Variants in BTG3 observed in about 807,000 individuals in gnomAD.
BTG3 encodes the protein BTG anti-proliferation factor 3, also known as protein BTG3.
In BTG3, 4 loss-of-function variants were observed where a neutral mutation model predicts 25.8. That is an observed-to-expected ratio of 0.16 (90% CI 0.08 to 0.36). BTG3 has a LOEUF of 0.36. Among genes scored for constraint, BTG3 ranks in the 10% least tolerant of loss-of-function variants. The pLI is 1.00. For missense variants in BTG3, 201 were observed against 304.9 expected (o/e 0.66, Z 2.54); for synonymous variants, 107 against 99.9 (o/e 1.07, Z -0.42).
intron 3 of BTG3, among the ~76,000 whole-genome samples, chr21:17,599,554 T>C (rs921219755): frequency 6.8e-6 from 1 of 148,024 alleles, no homozygotes; most frequent in Non-Finnish European, 1.5e-5. Context: ...CTCGGCCCAC[T>C]ACAATCTCCA....
At chr21:17,606,322 G>A (rs1357647249) in intron 2 of BTG3, among the ~76,000 whole-genome samples, 1 of 152,070 alleles carries the variant, frequency 6.6e-6, no homozygotes, top group South Asian at 2.1e-4. Flanking sequence ...ACTCCAAAGA[G>A]CAAGTTATTT....
chr21:17,610,221 T>G (rs1245257769), intron 1 of BTG3, among the ~76,000 whole-genome samples: 1 of 152,160 alleles, frequency 6.6e-6, no homozygotes, highest in African/African-American at 2.4e-5. Context: ...CTTTTTGAGG[T>G]GATAAAAATA....
chr21:17,596,265 A>T (rs2061502929), intron 4 of BTG3, among the ~76,000 whole-genome samples: 1 of 152,038 alleles, frequency 6.6e-6, no homozygotes. Flanking sequence ...GGTTTCTTTG[A>T]TGAACAAAAA....
At chr21:17,611,956 G>A (rs2123490778) in intron 1 of BTG3, 1 of 152,362 alleles carries the variant, frequency 6.6e-6, no homozygotes, top group East Asian at 1.9e-4. Flanking sequence ...GTGGGGTGAG[G>A]AGCCCCGGCC....
At chr21:17,603,630 G>A (rs756022815) in intron 3 of BTG3, among the ~76,000 whole-genome samples, 27 of 152,282 alleles carry the variant, frequency 1.8e-4, no homozygotes, top group South Asian at 1.7e-3. Context: ...AGGTGGTCAG[G>A]TGAATTGTAC....
intron 3 of BTG3, among the ~76,000 whole-genome samples, chr21:17,601,808 T>A (rs978341763): frequency 6.6e-6 from 1 of 152,120 alleles, no homozygotes; most frequent in African/African-American, 2.4e-5. Context: ...TTGAGAAAAA[T>A]TCCTGCCTTT....
intron 3 of BTG3, 102 bp from the exon 4 acceptor site, chr21:17,598,926 A>G: frequency 1.1e-6 from 1 of 882,864 alleles, no homozygotes; most frequent in Non-Finnish European, 1.7e-6. Flanking sequence ...AATACAAGGC[A>G]AAGATTGAAT....
intron 4 of BTG3, among the ~76,000 whole-genome samples, chr21:17,597,510 C>A (rs2061519750): frequency 6.6e-6 from 1 of 151,202 alleles, no homozygotes. Context: ...GAAAAAAAAA[C>A]CTGGTAATGA....
intron 2 of BTG3, 148 bp from the exon 3 acceptor site, chr21:17,605,145 G>C: frequency 3.4e-6 from 3 of 888,768 alleles, no homozygotes; most frequent in Non-Finnish European, 4.8e-6. Context: ...ATCCTAAACA[G>C]ATAATAAATG....
At chr21:17,604,031 G>A (rs943435814) in intron 3 of BTG3, 1 of 873,432 alleles carries the variant, frequency 1.1e-6, no homozygotes, top group Non-Finnish European at 1.5e-6. Context: ...AGCAAGTGGA[G>A]TTCAAAAAGA....
intron 2 of BTG3, among the ~76,000 whole-genome samples, chr21:17,605,650 T>C (rs2061630067): frequency 1.3e-5 from 2 of 152,182 alleles, no homozygotes. Context: ...GTGAGGAAAA[T>C]TTCTAAACCA....
In BTG3 at chr21:17,598,636, G is replaced by A; in HGVS notation, c.500C>T (p.Ala167Val). Reference protein sequence around the residue: ...MEVKPSSVTAAASPVYQISEL... With the variant: ...MEVKPSSVTAVASPVYQISEL... ...GGTTACCTGGTACACAGGACTTGCG[G>A]CTGCAGTCACCGAACTGGGTTTCAC... is the stretch of plus-strand genomic sequence containing the variant. Residue 167 changes from alanine to valine, a missense_variant, in exon 4 of 5, where the codon GCC becomes GTC. By Grantham distance (64) the Ala-to-Val change is moderately conservative (BLOSUM62 0). Around this residue, in one of 2 missense-constraint regions of BTG3, gnomAD observed 131 missense variants for 129.3 expected, o/e 1.01. Coordinates refer to ENST00000348354, the MANE Select transcript of BTG3 (RefSeq NM_006806.5). 1 of 1,613,914 alleles carries A rather than the reference G, an allele frequency of 6.2e-7. No homozygotes were observed. The highest frequency in any genetic ancestry group is 8.5e-7 in the Non-Finnish European group (1 of 1,179,894).
chr21:17,609,965 T>C (rs2061696625), intron 1 of BTG3, among the ~76,000 whole-genome samples: 1 of 152,198 alleles, frequency 6.6e-6, no homozygotes, highest in Non-Finnish European at 1.5e-5. Flanking sequence ...TACTGTGGTA[T>C]ATACATGTAA....
intron 3 of BTG3, among the ~76,000 whole-genome samples, chr21:17,601,153 A>G (rs893843195): frequency 6.7e-6 from 1 of 149,654 alleles, no homozygotes; most frequent in East Asian, 2.0e-4. Flanking sequence ...ACAGAGTGAG[A>G]CTCCGTCTCA....
chr21:17,605,793 G>C (rs1055753713), intron 2 of BTG3, among the ~76,000 whole-genome samples: 2 of 152,090 alleles, frequency 1.3e-5, no homozygotes, highest in African/African-American at 4.8e-5. Context: ...GCCTATGAAG[G>C]AAAAGTATTT....
chr21:17,608,785 G>C, intron 2 of BTG3, 187 bp downstream of exon 2: 2 of 531,162 alleles, frequency 3.8e-6, no homozygotes, highest in Non-Finnish European at 3.1e-6. Flanking sequence ...CAGGCAGTGG[G>C]ACTCCACCAC....
At chr21:17,611,237 G>T (rs574897141) in intron 1 of BTG3, among the ~76,000 whole-genome samples, 1 of 152,278 alleles carries the variant, frequency 6.6e-6, no homozygotes, top group African/African-American at 2.4e-5. Context: ...AAGTTTTGCT[G>T]ATGGAACTAC....
chr21:17,605,166 G>T, intron 2 of BTG3, 169 bp from the exon 3 acceptor site: 1 of 716,404 alleles, frequency 1.4e-6, no homozygotes, highest in Non-Finnish European at 2.1e-6. Flanking sequence ...TGAACTACAG[G>T]CACAGAGGCA....
intron 2 of BTG3, among the ~76,000 whole-genome samples, chr21:17,606,800 T>G (rs2061649236): frequency 6.6e-6 from 1 of 152,210 alleles, no homozygotes; most frequent in Non-Finnish European, 1.5e-5. Context: ...TCTTTCCATT[T>G]TTGCAATTAC....
Sources: allele counts gnomAD v4.1 joint callset (sites outside exome capture counted in the v4.1 genomes callset), GRCh38; gene constraint gnomAD v4.1.1; regional missense constraint gnomAD v4.1.1; transcripts MANE v1.5; gene names NCBI Gene and HGNC (gene_info 2026-07-23, HGNC 2026-07-21).